The following GCC2 variants were observed in gnomAD, a reference collection of about 807,000 sequenced individuals.
GCC2 encodes the protein GRIP and coiled-coil domain containing 2, also known as GRIP and coiled-coil domain-containing protein 2.
Under a neutral mutation model 210.6 loss-of-function variants are expected in GCC2, and 120 were observed. That is an observed-to-expected ratio of 0.57 (90% CI 0.49 to 0.66). The LOEUF is 0.66. GCC2 is among the 30% of genes least tolerant of loss of function. The pLI is 0.00. For missense variants in GCC2, 1,868 were observed against 1,871.9 expected (o/e 1.00, Z 0.04); for synonymous variants, 703 against 652.7 (o/e 1.08, Z -1.17).
Position 108,492,637 on chromosome 2 carries a change from C to G in GCC2, c.4294C>G (p.Leu1432Val), listed in dbSNP as rs1682461055. Residue 1432 changes from leucine to valine, a missense_variant, in exon 19 of 23, where the codon CTA (leucine) becomes GTA (valine). Physicochemically the swap from Leu to Val is conservative, Grantham distance 32 (BLOSUM62 1). Coordinates refer to ENST00000309863, the MANE Select transcript of GCC2 (RefSeq NM_181453.4). ...KSEHTQTVSQ[L>V]TSQNEVLRNS... is the part of the protein sequence containing the mutation. ...TGAACATACACAGACTGTGAGTCAG[C>G]TAACATCCCAGAACGAGGTCCTTCG... 1.9e-6 allele frequency: 3 copies of G among 1,613,618 alleles called. No individual in the cohort carries two copies. Among genetic ancestry groups the G allele is most frequent in the East Asian group, 2.2e-5 (1 of 44,896 alleles).
At chr2:108,479,079 G>A (rs957983466) in intron 9 of GCC2, among the ~76,000 whole-genome samples, 2 of 152,058 alleles carry the variant, frequency 1.3e-5, no homozygotes, top group African/African-American at 2.4e-5. Context: ...TAGGAGAATT[G>A]CTTGAACCAG....
chr2:108,500,373 C>T (rs1040568831), intron 22 of GCC2, among the ~76,000 whole-genome samples: 3 of 152,016 alleles, frequency 2.0e-5, no homozygotes, highest in Admixed American at 6.5e-5. Context: ...ATTAGCTGGA[C>T]GTGGTGGCAT....
Position 108,497,105 on chromosome 2 carries a change from T to C in GCC2, c.4778T>C (p.Ile1593Thr), listed in dbSNP as rs1481881620. The C allele has an allele frequency of 6.2e-7, 1 of 1,611,936 alleles. No homozygotes were observed. The highest frequency in any genetic ancestry group is 1.7e-5 in the Admixed American group (1 of 59,996). Residue 1593 changes from isoleucine to threonine, a missense_variant, in exon 21 of 23, where the codon ATT becomes ACT. Around this residue, in one of 3 missense-constraint regions of GCC2, gnomAD observed 1,847 missense variants for 1,765.2 expected, o/e 1.05. Transcript: ENST00000309863. The part of the protein sequence containing the change: ...EATNAILMEQ[I>T]KLLKSEIRRL... The stretch of plus-strand genomic sequence containing the variant: ...ACCAATGCAATTCTTATGGAGCAAA[T>C]TAAGGTGAGATCAGAAAACCTGGCC...
chr2:108,499,032 G>A (rs554502464), intron 21 of GCC2, among the ~76,000 whole-genome samples: 1 of 131,226 alleles, frequency 7.6e-6, no homozygotes, highest in African/African-American at 2.8e-5. Context: ...ATGATACCCT[G>A]TGCTTCTGAG....
chr2:108,449,316 C>T (rs1335274982), intron 1 of GCC2, 36 bp downstream of exon 1: 7 of 1,543,626 alleles, frequency 4.5e-6, no homozygotes, highest in Non-Finnish European at 6.1e-6. Flanking sequence ...CCCATCAAGC[C>T]TTCCGCGCCG....
At chr2:108,449,997 A>G (rs1679839333) in intron 2 of GCC2, 1 of 307,692 alleles carries the variant, frequency 3.2e-6, no homozygotes, top group Non-Finnish European at 6.1e-6. Context: ...GACATAGGGT[A>G]GGAATCAAGG....
chr2:108,483,218 T>G (rs750003576), intron 12 of GCC2, 52 bp downstream of exon 12: 1 of 925,242 alleles, frequency 1.1e-6, no homozygotes, highest in Non-Finnish European at 1.7e-6. Context: ...ATTGTTCTGT[T>G]TTGTTGTTCT....
intron 13 of GCC2, chr2:108,484,872 G>GT (rs1307334922): frequency 1.3e-5 from 2 of 151,830 alleles, no homozygotes; most frequent in South Asian, 4.2e-4. Flanking sequence ...ACATGCACAC[G>GT]TATGTTTATT....
chr2:108,501,998 A>G (rs1047181897), intron 22 of GCC2, among the ~76,000 whole-genome samples: 2 of 152,188 alleles, frequency 1.3e-5, no homozygotes, highest in Non-Finnish European at 2.9e-5. Context: ...AGAATACATC[A>G]TGTGTATTTT....
chr2:108,449,387 C>G (rs944620519), intron 1 of GCC2, 107 bp downstream of exon 1: 1 of 1,473,488 alleles, frequency 6.8e-7, no homozygotes, highest in Non-Finnish European at 9.1e-7. Flanking sequence ...CTTGGTGTCC[C>G]GAAGCCCGCG....
chr2:108,469,135 T>A, intron 5 of GCC2, 51 bp downstream of exon 5: 1 of 1,055,412 alleles, frequency 9.5e-7, no homozygotes, highest in Non-Finnish European at 1.4e-6. Flanking sequence ...TATAGTGTAG[T>A]CATTAATTTT....
rs569550613 is a variant in GCC2 at position 108,497,622 on chromosome 2, T to C, written c.4782+513T>C. On this transcript the variant is annotated intron_variant, in intron 21 of 22. Transcript: ENST00000309863. ...TCAACTGATATTTATAGTACTGAAC[T>C]ACTAAACAGTTTTCAGGTGGAGATG... 4.7e-4 allele frequency among the ~76,000 whole-genome samples: 71 copies of C among 152,294 alleles called. 1 individual carries two copies. Among genetic ancestry groups the C allele is most frequent in the African/African-American group, 1.7e-3 (69 of 41,570 alleles).
chr2:108,449,235 T>C lies in GCC2; in HGVS notation c.-40T>C, dbSNP rs764691463. The C allele has an allele frequency of 1.1e-5, 17 of 1,545,220 alleles. No individual in the cohort carries two copies. The South Asian group carries it at 1.7e-4, about 15-fold the overall frequency. On this transcript the variant is annotated 5_prime_UTR_variant, in exon 1 of 23. Coordinates refer to ENST00000309863, the MANE Select transcript of GCC2 (RefSeq NM_181453.4). ...GCTGGCGCAAACAGAAGTGCAGCGG[T>C]GGCGGCGGCTGGTTGCGGGCCGGCG... is the stretch of plus-strand genomic sequence containing the variant.
At chr2:108,501,097 G>A (rs1468304563) in intron 22 of GCC2, among the ~76,000 whole-genome samples, 5 of 151,908 alleles carry the variant, frequency 3.3e-5, no homozygotes, top group Non-Finnish European at 5.9e-5. Flanking sequence ...CCAGATTCAA[G>A]CGATTCTCCT....
At chr2:108,476,054 C>CCTTTTTTTTTTTTTTTTTTTT (rs1558744710) in intron 9 of GCC2, among the ~76,000 whole-genome samples, 3 of 96,328 alleles carry the variant, frequency 3.1e-5, no homozygotes, top group South Asian at 3.3e-4. Context: ...TAGTGGCTTG[C>CCTTTTTTTTTTTTTTTTTTTT]TTTTTTTTTT....
chr2:108,487,454 T>C (rs1331677150), intron 16 of GCC2, among the ~76,000 whole-genome samples: 1 of 152,156 alleles, frequency 6.6e-6, no homozygotes, highest in Non-Finnish European at 1.5e-5. Context: ...ATTGTATGCA[T>C]CCATCAAAAT....
rs755932248 is a variant in GCC2 at position 108,469,917 on chromosome 2, G to A, written c.588G>A (p.Glu196=). ...EIEKIRPGFE[E]QILYLQKQLD... ...AGAAAATTAGGCCAGGCTTTGAGGA[G>A]CAAATTTTATATCTGCAAAAGCAAT... is the stretch of plus-strand genomic sequence containing the variant. The change falls in exon 6 of 23, where the codon GAG becomes GAA. Residue 196 remains glutamate (E), a synonymous_variant. Transcript: ENST00000309863. 1 of 1,613,602 alleles carries A rather than the reference G, an allele frequency of 6.2e-7. No individual in the cohort carries two copies. Among genetic ancestry groups the A allele is most frequent in the Non-Finnish European group, 8.5e-7 (1 of 1,179,780 alleles).
chr2:108,469,491 C>T (rs1287907268), intron 5 of GCC2, 160 bp from the exon 6 acceptor site: 5 of 565,194 alleles, frequency 8.8e-6, no homozygotes, highest in African/African-American at 1.9e-5. Flanking sequence ...ATAGGCAGCA[C>T]CTAAGGAGAG....
chr2:108,503,315 T>C (rs990294376), intron 22 of GCC2, among the ~76,000 whole-genome samples: 1 of 152,180 alleles, frequency 6.6e-6, no homozygotes, highest in African/African-American at 2.4e-5. Context: ...TACTATCTCA[T>C]GTACTAAAAG....
Sources: gnomAD v4.1 joint callset for allele counts (sites outside exome capture counted in the v4.1 genomes callset) on GRCh38, gnomAD v4.1.1 for gene constraint, gnomAD v4.1.1 regional missense constraint, MANE v1.5 for transcripts, NCBI Gene and HGNC (gene_info 2026-07-23, HGNC 2026-07-21) for gene names.